The following SLC9C2 variants were observed in gnomAD, a reference collection of about 807,000 sequenced individuals.
SLC9C2 encodes the protein solute carrier family 9 member C2 (putative).
A neutral mutation model predicts 140.2 loss-of-function variants in SLC9C2; 75 were observed. The ratio of observed to expected loss-of-function variants is 0.53; its 90% confidence interval spans 0.44 to 0.65. SLC9C2 has a LOEUF of 0.65. SLC9C2 is among the 30% of genes least tolerant of loss of function. SLC9C2 has a pLI of 0.00. For missense variants in SLC9C2, 1,074 were observed against 1,331.8 expected, an observed-to-expected ratio of 0.81 and a Z score of 3.01; for synonymous variants, 375 against 420.9, an observed-to-expected ratio of 0.89 and a Z score of 1.34.
chr1:173,588,834 G>A (rs1488003718), intron 4 of SLC9C2, among the ~76,000 whole-genome samples: 2 of 151,928 alleles, frequency 1.3e-5, no homozygotes, highest in African/African-American at 4.8e-5. Context: ...AGCACTTTAG[G>A]AGGCAAGGCA....
intron 13 of SLC9C2, among the ~76,000 whole-genome samples, chr1:173,539,429 A>C (rs1489634907): frequency 6.6e-6 from 1 of 152,230 alleles, no homozygotes; most frequent in African/African-American, 2.4e-5. Context: ...AGAAGGATAG[A>C]GGAAGAGGAC....
chr1:173,570,148 C>T (rs1035587352), intron 9 of SLC9C2, among the ~76,000 whole-genome samples: 1 of 152,192 alleles, frequency 6.6e-6, no homozygotes, highest in African/African-American at 2.4e-5. Flanking sequence ...GTCTACCCCA[C>T]TGTGGCCAAG....
At chr1:173,574,984 C>G (rs1665082418) in intron 8 of SLC9C2, among the ~76,000 whole-genome samples, 1 of 151,898 alleles carries the variant, frequency 6.6e-6, no homozygotes, top group African/African-American at 2.4e-5. Context: ...GCCAGGTATC[C>G]TGGTGCATGC....
In SLC9C2 at chr1:173,580,584, C is replaced by T. The variant is rs146780563; in HGVS notation, c.802+1263G>A. On this transcript the variant is annotated intron_variant, in intron 7 of 27. Transcript: ENST00000367714. ...GCCAGGCTGGTCTCAAACTCCTGGC[C>T]TCAAGTGATCCGCCTGCCTCAGCCT... is the stretch of plus-strand genomic sequence containing the variant. Among the ~76,000 whole-genome samples, 1,385 of 152,230 alleles carry T rather than the reference C, an allele frequency of 9.1e-3. 24 individuals carry two copies. The highest frequency in any genetic ancestry group is 0.032 in the African/African-American group (1,333 of 41,542).
At chr1:173,544,690 A>C (rs1662705482) in intron 13 of SLC9C2, among the ~76,000 whole-genome samples, 1 of 152,224 alleles carries the variant, frequency 6.6e-6, no homozygotes, top group African/African-American at 2.4e-5. Flanking sequence ...ATAAATGATG[A>C]GTTCATGTCC....
rs1659555404 is a variant in SLC9C2 at position 173,505,280 on chromosome 1, G to A, written c.3277C>T (p.Leu1093Phe). Residue 1093 changes from leucine (L) to phenylalanine (F), a missense_variant, in exon 26 of 28, where the codon CTT (leucine) becomes TTT (phenylalanine). Transcript: ENST00000367714. ...TTGGTGTTACTATTTCTTTGGGTAA[G>A]CTCAGATGCTTGGATTATCAGCAGC... ...SKLLIIQASE[L>F]TQRNSNTNVM... 6.2e-7 allele frequency: 1 copy of A among 1,614,112 alleles called. No homozygotes were observed. The highest frequency in any genetic ancestry group is 1.3e-5 in the African/African-American group (1 of 75,052).
chr1:173,583,702 A>G, intron 5 of SLC9C2, 80 bp from the exon 6 acceptor site: 1 of 758,336 alleles, frequency 1.3e-6, no homozygotes, highest in Non-Finnish European at 2.1e-6. Flanking sequence ...AACAGAAGAG[A>G]AAGAACAGAA....
At chr1:173,512,319 T>C (rs918577148) in intron 23 of SLC9C2, among the ~76,000 whole-genome samples, 2 of 152,220 alleles carry the variant, frequency 1.3e-5, no homozygotes, top group African/African-American at 4.8e-5. Context: ...GTGTCCCCTC[T>C]TATTTCCTTG....
At chr1:173,535,201 A>T (rs1661855109) in intron 15 of SLC9C2, among the ~76,000 whole-genome samples, 1 of 152,118 alleles carries the variant, frequency 6.6e-6, no homozygotes, top group Non-Finnish European at 1.5e-5. Flanking sequence ...TATTACTAGA[A>T]TTTGTTATAA....
chr1:173,520,814 T>C (rs1490592196), intron 22 of SLC9C2, among the ~76,000 whole-genome samples: 1 of 152,198 alleles, frequency 6.6e-6, no homozygotes, highest in African/African-American at 2.4e-5. Flanking sequence ...AATTATTTGG[T>C]TCACAAAATG....
In SLC9C2 at chr1:173,550,522, T is replaced by A. The variant is rs560202295; in HGVS notation, c.1298-1970A>T. Among the ~76,000 whole-genome samples, 24 of 150,148 alleles carry A rather than the reference T, an allele frequency of 1.6e-4. No individual in the cohort carries two copies. The South Asian group carries it at 5.2e-3, about 32-fold the overall frequency. Reference sequence around the variant, plus strand: ...GGTGCAATCTTGCCTCACTGCAACATCCACCTCCTGGGTTCAAGTGATTCT... The same window carrying A: ...GGTGCAATCTTGCCTCACTGCAACAACCACCTCCTGGGTTCAAGTGATTCT... On this transcript the variant is annotated intron_variant, in intron 11 of 27. Transcript: ENST00000367714.
Position 173,501,037 on chromosome 1 carries a change from G to T in SLC9C2, c.*57C>A. 1 of 1,452,948 alleles carries T rather than the reference G, an allele frequency of 6.9e-7. No individual in the cohort carries two copies. Among genetic ancestry groups the T allele is most frequent in the South Asian group, 1.6e-5 (1 of 63,276 alleles). 90.0% of individuals were successfully genotyped at this position (1,452,948 alleles called of 1,614,324 possible). A position where few individuals can be genotyped will look rare whatever the true frequency, so the allele number is the denominator to read the frequency against. On this transcript the variant is annotated 3_prime_UTR_variant, in exon 28 of 28. Transcript: ENST00000367714. ...AGGAAAGTAGTTTGGTCTTTAACCTGACTCCACACATCATATTTGTATCAT... is the reference window on the plus strand; with the variant it reads ...AGGAAAGTAGTTTGGTCTTTAACCTTACTCCACACATCATATTTGTATCAT...
At chr1:173,602,123 T>A (rs1666822332) in intron 1 of SLC9C2, among the ~76,000 whole-genome samples, 1 of 152,212 alleles carries the variant, frequency 6.6e-6, no homozygotes, top group Non-Finnish European at 1.5e-5. Flanking sequence ...TATAGTAATG[T>A]GCTTGCTTTC....
chr1:173,529,016 T>G (rs1212021229), intron 18 of SLC9C2, among the ~76,000 whole-genome samples: 1 of 152,252 alleles, frequency 6.6e-6, no homozygotes, highest in Non-Finnish European at 1.5e-5. Flanking sequence ...ATGTTAATTC[T>G]TTTAAAGCAA....
intron 25 of SLC9C2, among the ~76,000 whole-genome samples, chr1:173,505,928 A>AAAAC (rs10629076): frequency 0.19 from 28,179 of 151,996 alleles, 2,635 homozygotes; most frequent in East Asian, 0.31. Context: ...ATCAAGTTTT[A>AAAAC]AGCCTAAGTG....
chr1:173,590,203 A>G (rs982520811), intron 4 of SLC9C2, among the ~76,000 whole-genome samples: 6 of 150,752 alleles, frequency 4.0e-5, no homozygotes, highest in Non-Finnish European at 5.9e-5. Context: ...AGATTGTGCC[A>G]TGGCACTCCA....
intron 4 of SLC9C2, among the ~76,000 whole-genome samples, chr1:173,593,480 A>G (rs966693545): frequency 3.3e-5 from 5 of 152,220 alleles, no homozygotes; most frequent in Non-Finnish European, 7.3e-5. Context: ...AGATTGTGCC[A>G]CTGCACTCTA....
intron 4 of SLC9C2, among the ~76,000 whole-genome samples, chr1:173,590,242 C>CAAAA (rs1276203820): frequency 1.0e-5 from 1 of 95,532 alleles, no homozygotes; most frequent in African/African-American, 3.2e-5. Flanking sequence ...GACTCCATCT[C>CAAAA]AAAAAAAAAA....
At chr1:173,516,654 T>C (rs1360515123) in intron 23 of SLC9C2, among the ~76,000 whole-genome samples, 1 of 152,230 alleles carries the variant, frequency 6.6e-6, no homozygotes, top group Non-Finnish European at 1.5e-5. Flanking sequence ...CTCACTCTTT[T>C]TTAGGGCTAC....
Sources: allele counts gnomAD v4.1 joint callset (sites outside exome capture counted in the v4.1 genomes callset), GRCh38; gene constraint gnomAD v4.1.1; transcripts MANE v1.5; gene names NCBI Gene and HGNC (gene_info 2026-07-23, HGNC 2026-07-21).